SLF1: variants seen among roughly 807,000 people sequenced by gnomAD.
SLF1 encodes SMC5/6 complex localization factor 1, also known as SMC5-SMC6 complex localization factor protein 1.
Under a neutral mutation model 123.0 loss-of-function variants are expected in SLF1, and 105 were observed. That is an observed-to-expected ratio of 0.85 (90% CI 0.73 to 1.00). The LOEUF (loss-of-function observed/expected upper bound fraction) is 1.00, where lower values mean the gene tolerates loss of function less well. Among genes scored for constraint, SLF1 ranks in the 50% least tolerant of loss-of-function variants. The probability of loss-of-function intolerance (pLI) is 0.00; values close to 1 mark genes in which losing one functional copy is unlikely to be tolerated. For synonymous variants in SLF1, 434 were observed against 406.6 expected, an observed-to-expected ratio of 1.07 and a Z score of -0.81; for missense variants, 1,239 against 1,223.0, an observed-to-expected ratio of 1.01 and a Z score of -0.20.
intron 4 of SLF1, among the ~76,000 whole-genome samples, chr5:94,633,363 T>C (rs184076650): frequency 1.3e-5 from 2 of 152,350 alleles, no homozygotes; most frequent in Admixed American, 6.5e-5. Context: ...GTATTTTTTC[T>C]GGTTCATTTT....
intron 5 of SLF1, among the ~76,000 whole-genome samples, chr5:94,644,691 A>G (rs539930841): frequency 2.0e-5 from 3 of 152,278 alleles, no homozygotes; most frequent in South Asian, 2.1e-4. Context: ...GTTACTCTAC[A>G]GGGAAGCCTC....
intron 1 of SLF1, among the ~76,000 whole-genome samples, chr5:94,622,605 T>C (rs1791893114): frequency 6.6e-6 from 1 of 152,168 alleles, no homozygotes; most frequent in African/African-American, 2.4e-5. Flanking sequence ...TTAGAGATGA[T>C]TTTAATCTTT....
chr5:94,663,621 G>A (rs1749393569), intron 10 of SLF1, 129 bp from the exon 11 acceptor site: 6 of 840,794 alleles, frequency 7.1e-6, no homozygotes, highest in Admixed American at 3.2e-5. Context: ...TTCCAGCCTG[G>A]GTAACAGAGT....
chr5:94,637,172 G>A (rs1305713544), intron 4 of SLF1, among the ~76,000 whole-genome samples: 1 of 152,156 alleles, frequency 6.6e-6, no homozygotes, highest in Non-Finnish European at 1.5e-5. Flanking sequence ...CTCCTCATTT[G>A]TGGAGACAGC....
intron 5 of SLF1, among the ~76,000 whole-genome samples, chr5:94,647,392 A>G (rs1255295432): frequency 6.6e-6 from 1 of 152,200 alleles, no homozygotes; most frequent in Non-Finnish European, 1.5e-5. Context: ...TTGGCTGAAT[A>G]TTGGAATAAG....
chr5:94,663,029 G>A (rs1749315031), intron 10 of SLF1, among the ~76,000 whole-genome samples: 1 of 152,124 alleles, frequency 6.6e-6, no homozygotes, highest in Admixed American at 6.5e-5. Flanking sequence ...TGCAAATATT[G>A]CTTGTGCTTG....
intron 3 of SLF1, 109 bp from the exon 4 acceptor site, chr5:94,630,394 G>C: frequency 1.6e-6 from 2 of 1,275,764 alleles, no homozygotes; most frequent in Non-Finnish European, 2.1e-6. Flanking sequence ...TAGCAGCATA[G>C]CTTAAGAGTC....
At chr5:94,662,778 A>G (rs1340456071) in intron 10 of SLF1, among the ~76,000 whole-genome samples, 7 of 152,194 alleles carry the variant, frequency 4.6e-5, no homozygotes, top group African/African-American at 9.7e-5. Flanking sequence ...TATCCAGTCT[A>G]TTGTTAAATT....
rs1414403151 is a variant in SLF1, at chr5:94,663,912, AGAG to A, written c.1368+5_1368+7del. ...CCTTCTAGAGAACGTTCTACAGGTA[AGAG>A]CAGCCTTAAGGATTTATAATCTTTT... is the stretch of plus-strand genomic sequence containing the variant. On this transcript the variant is annotated splice_donor_5th_base_variant and intron_variant, in intron 11 of 20. Transcript: ENST00000265140. 1 of 1,506,200 alleles carries A rather than the reference AGAG, an allele frequency of 6.6e-7. No homozygotes were observed. The highest frequency in any genetic ancestry group is 1.4e-5 in the African/African-American group (1 of 70,618). The allele number at this position is 1,506,200 out of a possible 1,614,324, so 93.3% of individuals were successfully genotyped here. A position where few individuals can be genotyped will look rare whatever the true frequency, so the allele number is the denominator to read the frequency against.
chr5:94,662,450 T>A, intron 10 of SLF1, 99 bp downstream of exon 10: 1 of 983,530 alleles, frequency 1.0e-6, no homozygotes. Flanking sequence ...GTATGCACAA[T>A]AAAAGGTAAC....
intron 14 of SLF1, among the ~76,000 whole-genome samples, chr5:94,675,179 C>A (rs753972895): frequency 3.3e-5 from 5 of 152,178 alleles, no homozygotes; most frequent in South Asian, 2.1e-4. Context: ...TTCTACTTTA[C>A]AGATTAGTCA....
At chr5:94,656,854 G>C (rs1473558999) in intron 9 of SLF1, among the ~76,000 whole-genome samples, 3 of 149,134 alleles carry the variant, frequency 2.0e-5, no homozygotes, top group African/African-American at 7.4e-5. Context: ...TATTTATTTG[G>C]GGTTTTTTCT....
chr5:94,621,281 A>G (rs17328296), intron 1 of SLF1, among the ~76,000 whole-genome samples: 11,203 of 152,248 alleles, frequency 0.074, 460 homozygotes, highest in South Asian at 0.12. Flanking sequence ...AGAAAGACTT[A>G]TATGTGCATC....
intron 4 of SLF1, among the ~76,000 whole-genome samples, chr5:94,642,169 A>G (rs890598671): frequency 2.0e-5 from 3 of 152,200 alleles, no homozygotes; most frequent in Non-Finnish European, 4.4e-5. Flanking sequence ...TTTGCTTTAT[A>G]TGAGAGAACG....
chr5:94,682,083 C>T (rs1259029477), intron 15 of SLF1, among the ~76,000 whole-genome samples: 1 of 152,144 alleles, frequency 6.6e-6, no homozygotes, highest in Non-Finnish European at 1.5e-5. Flanking sequence ...AAGAAAAAGG[C>T]TTAAAAACAC....
At chr5:94,665,740 C>T in intron 11 of SLF1, 121 bp from the exon 12 acceptor site, 1 of 890,752 alleles carries the variant, frequency 1.1e-6, no homozygotes, top group South Asian at 1.8e-5. Flanking sequence ...GTGACAGAGC[C>T]AGACTCCGTC....
chr5:94,632,794 G>A (rs1181065572), intron 4 of SLF1, among the ~76,000 whole-genome samples: 5 of 151,904 alleles, frequency 3.3e-5, no homozygotes, highest in African/African-American at 4.8e-5. Flanking sequence ...TCCGCCTCCC[G>A]GGTTCACGCC....
In SLF1 at chr5:94,694,821, C is replaced by G. The variant is rs1430783538; in HGVS notation, c.2696-10C>G. 1.3e-6 allele frequency: 2 copies of G among 1,533,114 alleles called. No individual in the cohort carries two copies. The highest frequency in any genetic ancestry group is 2.3e-5 in the East Asian group (1 of 43,906). The allele number at this position is 1,533,114 out of a possible 1,614,324, so 95.0% of individuals were successfully genotyped here. ...TTTTACTTGCAACATTTTGCATTTT[C>G]TTTTCACAGGCCCAGTGCTTTTACA... On this transcript the variant is annotated splice_polypyrimidine_tract_variant and intron_variant, in intron 20 of 20. Coordinates refer to ENST00000265140, the MANE Select transcript of SLF1 (RefSeq NM_032290.4).
chr5:94,651,981 G>T (rs577946760), intron 7 of SLF1, 136 bp downstream of exon 7: 5 of 354,042 alleles, frequency 1.4e-5, no homozygotes, highest in Middle Eastern at 8.9e-4. Context: ...AGCATTACCA[G>T]TTTTTAAGAC....
Sources: gnomAD v4.1 joint callset for allele counts (sites outside exome capture counted in the v4.1 genomes callset) on GRCh38, gnomAD v4.1.1 for gene constraint, MANE v1.5 for transcripts, NCBI Gene and HGNC (gene_info 2026-07-23, HGNC 2026-07-21) for gene names.